The following STAG1 variants were observed in gnomAD, a reference collection of about 807,000 sequenced individuals.
The protein encoded by STAG1 is STAG1 cohesin complex component.
A neutral mutation model predicts 170.9 loss-of-function variants in STAG1; 26 were observed. The ratio of observed to expected loss-of-function variants is 0.15; its 90% CI spans 0.11 to 0.21. STAG1 has a LOEUF of 0.21. Ranked by LOEUF, STAG1 falls within the 10% of genes least tolerant of loss-of-function variation. The pLI is 1.00. For synonymous variants in STAG1, 514 were observed against 497.7 expected, an observed-to-expected ratio of 1.03 and a Z score of -0.44; for missense variants, 964 against 1,509.5, an observed-to-expected ratio of 0.64 and a Z score of 5.99.
chr3:136,424,592 CAAAGTGCTGGAA>C (rs1414161829), intron 16 of STAG1, among the ~76,000 whole-genome samples: 1 of 152,084 alleles, frequency 6.6e-6, no homozygotes, highest in Non-Finnish European at 1.5e-5. Context: ...CTTGGCCTCC[CAAAGTGCTGGAA>C]TTACAGGTGT....
intron 1 of STAG1, among the ~76,000 whole-genome samples, chr3:136,683,378 C>A (rs1477228881): frequency 6.6e-6 from 1 of 151,916 alleles, no homozygotes; most frequent in Non-Finnish European, 1.5e-5. Flanking sequence ...ATTCTCCTGC[C>A]TCAGCCTCCC....
At chr3:136,610,302 T>C (rs940429152) in intron 3 of STAG1, among the ~76,000 whole-genome samples, 8 of 152,206 alleles carry the variant, frequency 5.3e-5, no homozygotes, top group Admixed American at 4.6e-4. Context: ...TCCAAAGTGC[T>C]GGGATTACAG....
intron 1 of STAG1, among the ~76,000 whole-genome samples, 153 bp downstream of exon 1, chr3:136,752,042 C>A (rs1247709855): frequency 6.6e-6 from 1 of 151,046 alleles, no homozygotes; most frequent in Admixed American, 6.6e-5. Context: ...CTCCCCCGCA[C>A]GGGGCCCGCG....
chr3:136,472,000 T>C (rs1420763219), intron 12 of STAG1, among the ~76,000 whole-genome samples: 9 of 152,084 alleles, frequency 5.9e-5, no homozygotes, highest in African/African-American at 1.2e-4. Context: ...ACCATGCCAG[T>C]TAATTTTTTT....
intron 7 of STAG1, among the ~76,000 whole-genome samples, chr3:136,520,783 G>A (rs959621198): frequency 2.6e-5 from 4 of 151,926 alleles, no homozygotes; most frequent in Non-Finnish European, 4.4e-5. Flanking sequence ...TTACCCTAAT[G>A]GACAGAATTG....
At chr3:136,617,999 T>A (rs774193165) in intron 3 of STAG1, among the ~76,000 whole-genome samples, 6 of 152,362 alleles carry the variant, frequency 3.9e-5, no homozygotes, top group African/African-American at 1.4e-4. Flanking sequence ...TATGTATGAA[T>A]AGACATTTAA....
intron 1 of STAG1, among the ~76,000 whole-genome samples, chr3:136,681,267 T>C (rs1171279388): frequency 6.6e-6 from 1 of 152,194 alleles, no homozygotes; most frequent in African/African-American, 2.4e-5. Context: ...AATCTGTGAA[T>C]TACATTTCAG....
intron 14 of STAG1, among the ~76,000 whole-genome samples, chr3:136,445,435 AAG>A (rs1375361151): frequency 1.3e-5 from 2 of 152,192 alleles, no homozygotes; most frequent in African/African-American, 2.4e-5. Flanking sequence ...TGCTAAATTA[AAG>A]AGTTATTATT....
Position 136,741,995 on chromosome 3 carries a change from C to A in STAG1, c.-84+10200G>T, listed in dbSNP as rs543251728. 4.8e-4 allele frequency among the ~76,000 whole-genome samples: 73 copies of A among 152,116 alleles called. 1 individual carries two copies. Among genetic ancestry groups the A allele is most frequent in the African/African-American group, 1.7e-3 (72 of 41,514 alleles). ...CAATAAAAAGGTCAATTTGTCAAAACAACATAATAATCATAAGTTGTACAT... is the reference window on the plus strand; with the variant it reads ...CAATAAAAAGGTCAATTTGTCAAAAAAACATAATAATCATAAGTTGTACAT... On this transcript the variant is annotated intron_variant, in intron 1 of 33. Coordinates refer to ENST00000383202, the MANE Select transcript of STAG1 (RefSeq NM_005862.3).
chr3:136,544,234 C>G (rs968060815), intron 5 of STAG1, among the ~76,000 whole-genome samples: 30 of 152,248 alleles, frequency 2.0e-4, no homozygotes, highest in African/African-American at 6.3e-4. Context: ...ACTTTCTTAT[C>G]CTCATATATA....
chr3:136,519,532 A>T (rs549493434), intron 7 of STAG1, among the ~76,000 whole-genome samples: 73 of 152,108 alleles, frequency 4.8e-4, no homozygotes, highest in African/African-American at 1.7e-3. Flanking sequence ...CTTTATTTTC[A>T]AGGTTTTTTT....
At chr3:136,539,480 A>G (rs1166541142) in intron 6 of STAG1, among the ~76,000 whole-genome samples, 3 of 152,210 alleles carry the variant, frequency 2.0e-5, no homozygotes, top group African/African-American at 7.2e-5. Flanking sequence ...CTAAATGAAT[A>G]TATTAAATGT....
chr3:136,360,627 CA>C (rs1294237148), intron 26 of STAG1, among the ~76,000 whole-genome samples: 1 of 152,154 alleles, frequency 6.6e-6, no homozygotes, highest in African/African-American at 2.4e-5. Context: ...ACTGAAGGAA[CA>C]GTTCTTCCAG....
chr3:136,496,838 AT>A (rs1933132950), intron 9 of STAG1, among the ~76,000 whole-genome samples: 2 of 152,248 alleles, frequency 1.3e-5, no homozygotes, highest in South Asian at 4.1e-4. Flanking sequence ...TCAATATAAA[AT>A]AAGATAAAAT....
chr3:136,648,305 C>T (rs1476522043), intron 1 of STAG1, among the ~76,000 whole-genome samples: 2 of 152,184 alleles, frequency 1.3e-5, no homozygotes, highest in African/African-American at 4.8e-5. Context: ...CTCAAACACT[C>T]CCCAATCCTT....
intron 3 of STAG1, among the ~76,000 whole-genome samples, chr3:136,616,211 G>A (rs984716315): frequency 6.6e-6 from 1 of 151,594 alleles, no homozygotes; most frequent in Non-Finnish European, 1.5e-5. Context: ...GGAACTTGCA[G>A]TGAGCCGAGA....
chr3:136,575,537 C>G (rs974512688), intron 4 of STAG1, among the ~76,000 whole-genome samples: 2 of 151,612 alleles, frequency 1.3e-5, no homozygotes, highest in Non-Finnish European at 3.0e-5. Flanking sequence ...TTGTCTCTAT[C>G]TGGAGGATAA....
intron 1 of STAG1, among the ~76,000 whole-genome samples, chr3:136,685,017 A>C (rs1170646200): frequency 2.0e-5 from 3 of 152,078 alleles, no homozygotes; most frequent in Non-Finnish European, 4.4e-5. Flanking sequence ...GGACTTCGTT[A>C]AAATTAAGAA....
chr3:136,737,138 G>C, intron 1 of STAG1: 1 of 799,008 alleles, frequency 1.3e-6, no homozygotes, highest in Non-Finnish European at 2.3e-6. Flanking sequence ...TTAGAACCAA[G>C]TCTCTCTTCT....
Sources: allele counts gnomAD v4.1 joint callset (sites outside exome capture counted in the v4.1 genomes callset), GRCh38; gene constraint gnomAD v4.1.1; transcripts MANE v1.5; gene names NCBI Gene and HGNC (gene_info 2026-07-23, HGNC 2026-07-21).